CADM1: variants seen among roughly 807,000 people sequenced by gnomAD.
CADM1 encodes cell adhesion molecule 1.
In CADM1, 15 loss-of-function variants were observed where a neutral mutation model predicts 53.1. The observed-to-expected ratio is 0.28, with a 90% confidence interval of 0.19 to 0.44. CADM1 has a LOEUF of 0.44. CADM1 is among the 20% of genes least tolerant of loss of function. The pLI is 1.00. For synonymous variants in CADM1, 281 were observed against 243.0 expected, an observed-to-expected ratio of 1.16 and a Z score of -1.45; for missense variants, 434 against 611.3, an observed-to-expected ratio of 0.71 and a Z score of 3.06.
Position 115,229,144 on chromosome 11 carries a change from G to A in CADM1, c.690C>T (p.Asn230=), listed in dbSNP as rs1941725000. Residue 230 remains asparagine (N), a synonymous_variant, in exon 5 of 12, where the codon AAC becomes AAT. Coordinates refer to ENST00000331581, the MANE Select transcript of CADM1 (RefSeq NM_001301043.2). ...CTTCTAGATACCGCTGGGTCTGCAGGTTTCCAGTGACCGCAGGGTGCTCCA... is the reference window on the plus strand; with the variant it reads ...CTTCTAGATACCGCTGGGTCTGCAGATTTCCAGTGACCGCAGGGTGCTCCA... ...CQVEHPAVTG[N]LQTQRYLEVQ... 1 of 1,614,076 alleles carries A rather than the reference G, an allele frequency of 6.2e-7. No individual in the cohort carries two copies. The highest frequency in any genetic ancestry group is 2.2e-5 in the East Asian group (1 of 44,840).
intron 1 of CADM1, among the ~76,000 whole-genome samples, chr11:115,284,582 A>G (rs375722295): frequency 6.6e-6 from 1 of 152,082 alleles, no homozygotes. Context: ...CACATTCATG[A>G]AAGTTTACAT....
intron 10 of CADM1, among the ~76,000 whole-genome samples, chr11:115,188,369 A>G (rs1939677918): frequency 1.3e-5 from 2 of 152,182 alleles, no homozygotes; most frequent in South Asian, 4.1e-4. Flanking sequence ...CCAATAATTA[A>G]ATCACTGAAC....
At chr11:115,364,756 T>C (rs1946115847) in intron 1 of CADM1, among the ~76,000 whole-genome samples, 1 of 152,168 alleles carries the variant, frequency 6.6e-6, no homozygotes, top group South Asian at 2.1e-4. Context: ...TCTCTACTGT[T>C]GAAAAATTTT....
At chr11:115,262,786 T>C (rs1299090637) in intron 1 of CADM1, among the ~76,000 whole-genome samples, 1 of 152,114 alleles carries the variant, frequency 6.6e-6, no homozygotes, top group Non-Finnish European at 1.5e-5. Context: ...TCTATGCCCT[T>C]GATGGGTCTT....
At chr11:115,485,477 T>C (rs1949353603) in intron 1 of CADM1, among the ~76,000 whole-genome samples, 1 of 152,236 alleles carries the variant, frequency 6.6e-6, no homozygotes, top group African/African-American at 2.4e-5. Context: ...TCATCTTGAA[T>C]TGTAGCTCCT....
intron 10 of CADM1, among the ~76,000 whole-genome samples, chr11:115,188,521 G>A (rs1308095794): frequency 1.3e-5 from 2 of 152,056 alleles, no homozygotes; most frequent in African/African-American, 4.8e-5. Flanking sequence ...GGGGAGGTCG[G>A]GGCAAAGGGG....
intron 1 of CADM1, among the ~76,000 whole-genome samples, chr11:115,413,296 GACA>G (rs541503714): frequency 1.2e-4 from 18 of 152,258 alleles, no homozygotes; most frequent in African/African-American, 3.4e-4. Context: ...TTACTTCGTT[GACA>G]ACAACAACAG....
chr11:115,390,305 G>A (rs1318339107), intron 1 of CADM1, among the ~76,000 whole-genome samples: 2 of 151,784 alleles, frequency 1.3e-5, no homozygotes, highest in East Asian at 1.9e-4. Flanking sequence ...TCTACAAGTC[G>A]AACTGGACAA....
intron 1 of CADM1, among the ~76,000 whole-genome samples, chr11:115,306,072 C>CCACACACACACACACACACAAA (rs1944362135): frequency 7.7e-6 from 1 of 130,390 alleles, no homozygotes; most frequent in Non-Finnish European, 1.6e-5. Flanking sequence ...AGGATATATA[C>CCACACACACACACACACACAAA]CACACACACA....
intron 1 of CADM1, among the ~76,000 whole-genome samples, chr11:115,267,943 G>A (rs1178199795): frequency 2.0e-5 from 3 of 152,076 alleles, no homozygotes; most frequent in Non-Finnish European, 4.4e-5. Context: ...AATAGGGTTC[G>A]TCTTGTTAGC....
intron 1 of CADM1, among the ~76,000 whole-genome samples, chr11:115,503,345 G>A (rs968230815): frequency 2.3e-4 from 35 of 152,330 alleles, no homozygotes; most frequent in African/African-American, 7.9e-4. Flanking sequence ...CCGCCCCTGG[G>A]CAAATTCCCA....
chr11:115,211,146 A>C (rs897744959), intron 7 of CADM1, among the ~76,000 whole-genome samples: 5 of 151,962 alleles, frequency 3.3e-5, no homozygotes, highest in Non-Finnish European at 5.9e-5. Context: ...GATTCAGGCC[A>C]TGTGTTCAGT....
intron 1 of CADM1, among the ~76,000 whole-genome samples, chr11:115,482,989 T>C (rs998110950): frequency 3.9e-5 from 6 of 152,206 alleles, no homozygotes; most frequent in Non-Finnish European, 8.8e-5. Context: ...ACGGAATAAT[T>C]ATTTCATACT....
At chr11:115,202,329 TG>T (rs1442005739) in intron 8 of CADM1, among the ~76,000 whole-genome samples, 1 of 152,210 alleles carries the variant, frequency 6.6e-6, no homozygotes, top group African/African-American at 2.4e-5. Flanking sequence ...TGTGACAGAC[TG>T]GGGGTTTAAA....
chr11:115,418,717 C>A (rs984242600), intron 1 of CADM1, among the ~76,000 whole-genome samples: 1 of 152,104 alleles, frequency 6.6e-6, no homozygotes, highest in Non-Finnish European at 1.5e-5. Context: ...AAGGACCAAC[C>A]AAATCCTATC....
At chr11:115,306,230 C>A (rs1944370033) in intron 1 of CADM1, among the ~76,000 whole-genome samples, 1 of 151,894 alleles carries the variant, frequency 6.6e-6, no homozygotes, top group African/African-American at 2.4e-5. Flanking sequence ...TTTAGATACA[C>A]AAACACCATT....
Position 115,240,295 on chromosome 11 carries a change from T to C in CADM1, c.250A>G (p.Ile84Val). 1.9e-6 allele frequency: 3 copies of C among 1,613,800 alleles called. No homozygotes were observed. The highest frequency in any genetic ancestry group is 2.5e-6 in the Non-Finnish European group (3 of 1,179,834). Residue 84 changes from isoleucine to valine, a missense_variant, in exon 2 of 12, where the codon ATT becomes GTT. By Grantham distance (29) the Ile-to-Val change is conservative. This residue lies in a region of CADM1 where 31 missense variants were observed against 74.6 expected (regional missense o/e 0.42). Transcript: ENST00000331581. ...IQLLNPNRQT[I>V]YFRDFRPLKD... ...TTACGCCTGAAGTCCCTGAAATAAA[T>C]GGTCTGCCTGTTGGGATTCAGTAGC...
At chr11:115,407,951 A>G (rs1003343505) in intron 1 of CADM1, among the ~76,000 whole-genome samples, 5 of 146,888 alleles carry the variant, frequency 3.4e-5, no homozygotes, top group African/African-American at 7.4e-5. Flanking sequence ...AAGGTAAGCA[A>G]TTTTAAATGC....
chr11:115,223,301 C>T (rs1476733958), intron 5 of CADM1, among the ~76,000 whole-genome samples: 3 of 152,132 alleles, frequency 2.0e-5, no homozygotes, highest in African/African-American at 7.2e-5. Context: ...TTAGCACTTC[C>T]GATGTGTCTC....
Sources: gnomAD v4.1 joint callset for allele counts (sites outside exome capture counted in the v4.1 genomes callset) on GRCh38, gnomAD v4.1.1 for gene constraint, gnomAD v4.1.1 regional missense constraint, MANE v1.5 for transcripts, NCBI Gene and HGNC (gene_info 2026-07-23, HGNC 2026-07-21) for gene names.